The following MUC7 variants were observed in gnomAD, a reference collection of about 807,000 sequenced individuals.
MUC7 encodes mucin 7, secreted.
In MUC7, 2 loss-of-function variants were observed where a neutral mutation model predicts 2.5. The ratio of observed to expected loss-of-function variants is 0.81; its 90% CI spans 0.33 to 2.55. The LOEUF is 2.55. Ranked by LOEUF, MUC7 falls within the 30% of genes most tolerant of loss-of-function variation. The probability of loss-of-function intolerance (pLI) is 0.11; values close to 1 mark genes in which losing one functional copy is unlikely to be tolerated. For missense variants in MUC7, 408 were observed against 455.6 expected (o/e 0.90, Z 0.95); for synonymous variants, 133 against 173.4 (o/e 0.77, Z 1.83).
chr4:70,460,323 A>C (rs1045310947), intron 1 of MUC7, among the ~76,000 whole-genome samples: 1 of 152,226 alleles, frequency 6.6e-6, no homozygotes, highest in East Asian at 1.9e-4. Flanking sequence ...TAATATCATC[A>C]AGGATGGTTC....
intron 1 of MUC7, among the ~76,000 whole-genome samples, chr4:70,434,471 T>C (rs900202623): frequency 1.3e-5 from 2 of 152,250 alleles, no homozygotes; most frequent in Non-Finnish European, 2.9e-5. Flanking sequence ...TCCAGGAATT[T>C]ATCCATTTCT....
chr4:70,468,754 A>G (rs1030643078), upstream of MUC7, among the ~76,000 whole-genome samples: 1 of 152,226 alleles, frequency 6.6e-6, no homozygotes, highest in Admixed American at 6.5e-5. Flanking sequence ...ATGAAATAAG[A>G]CAGGACACAA....
At chr4:70,445,524 C>T (rs1052879608) in intron 1 of MUC7, among the ~76,000 whole-genome samples, 1 of 152,108 alleles carries the variant, frequency 6.6e-6, no homozygotes, top group Admixed American at 6.5e-5. Context: ...AAATCTCTCC[C>T]CTATTTAATA....
At chr4:70,463,082 C>G (rs1734597662) in intron 1 of MUC7, among the ~76,000 whole-genome samples, 1 of 152,182 alleles carries the variant, frequency 6.6e-6, no homozygotes, top group Non-Finnish European at 1.5e-5. Flanking sequence ...TTCTTCTACT[C>G]TTAACTCCAG....
chr4:70,446,928 T>C lies in MUC7; in HGVS notation c.-93+16241T>C, dbSNP rs371654272. Among the ~76,000 whole-genome samples the C allele has an allele frequency of 5.1e-4, 77 of 152,306 alleles. 2 individuals are homozygous for C. In the South Asian group the frequency reaches 0.016, roughly 31 times the overall value. ...AAAAAGAACTGATTATCTCTTATAT[T>C]AATATTATTGCATAGATCTTCATCT... On this transcript the variant is annotated intron_variant, in intron 1 of 3. Coordinates refer to the MUC7 transcript ENST00000413702.
At chr4:70,442,086 G>A (rs1007527832) in intron 1 of MUC7, among the ~76,000 whole-genome samples, 3 of 152,240 alleles carry the variant, frequency 2.0e-5, no homozygotes, top group African/African-American at 4.8e-5. Context: ...TCAAGAAGTT[G>A]AGGGAGCTCA....
chr4:70,481,021 C>A lies in MUC7; in HGVS notation c.277C>A (p.His93Asn). ...CCCAAATCCTCACCAGCCACCTAAA[C>A]ATCCAGATAAAAATAGCAGTGTGGT... ...KFPNPHQPPK[H>N]PDKNSSVVNP... Residue 93 changes from histidine to asparagine, a missense_variant, in exon 3 of 3, where the codon CAT becomes AAT. By Grantham distance (68) the His-to-Asn change is moderately conservative. Transcript: ENST00000304887. The A allele has an allele frequency of 6.2e-7, 1 of 1,614,122 alleles. No homozygotes were observed. The highest frequency in any genetic ancestry group is 8.5e-7 in the Non-Finnish European group (1 of 1,180,012).
chr4:70,463,802 A>G (rs1424927861), intron 1 of MUC7, among the ~76,000 whole-genome samples: 4 of 152,216 alleles, frequency 2.6e-5, no homozygotes, highest in Non-Finnish European at 5.9e-5. Context: ...AGAAGGTACC[A>G]TTCTATGAAT....
At chr4:70,478,942 T>C (rs1300830297) in intron 2 of MUC7, among the ~76,000 whole-genome samples, 3 of 152,238 alleles carry the variant, frequency 2.0e-5, no homozygotes, top group African/African-American at 7.2e-5. Context: ...GAAGCCATTA[T>C]GTTAGCTATT....
At chr4:70,436,996 C>T (rs972639533) in intron 1 of MUC7, among the ~76,000 whole-genome samples, 1 of 152,156 alleles carries the variant, frequency 6.6e-6, no homozygotes, top group African/African-American at 2.4e-5. Flanking sequence ...GAGGTCTACT[C>T]CAGACCCTGT....
chr4:70,460,956 G>A (rs769203814), intron 1 of MUC7, among the ~76,000 whole-genome samples: 10 of 152,194 alleles, frequency 6.6e-5, no homozygotes, highest in Non-Finnish European at 1.2e-4. Flanking sequence ...AGATCACTGC[G>A]TATGCTAGTT....
At chr4:70,436,027 G>T (rs1371212048) in intron 1 of MUC7, among the ~76,000 whole-genome samples, 2 of 152,048 alleles carry the variant, frequency 1.3e-5, no homozygotes, top group African/African-American at 2.4e-5. Context: ...TTGAATATTG[G>T]CCCCCACTCT....
upstream of MUC7, among the ~76,000 whole-genome samples, chr4:70,470,326 C>T (rs1363590342): frequency 6.6e-6 from 1 of 152,092 alleles, no homozygotes; most frequent in Non-Finnish European, 1.5e-5. Context: ...TTGATGGGTG[C>T]AGCAAACCAC....
chr4:70,462,453 A>T (rs545599096), intron 1 of MUC7, among the ~76,000 whole-genome samples: 6 of 152,300 alleles, frequency 3.9e-5, no homozygotes, highest in African/African-American at 1.4e-4. Context: ...TTGACAAATC[A>T]CTATATTTTC....
intron 1 of MUC7, among the ~76,000 whole-genome samples, chr4:70,433,082 G>A (rs1006908721): frequency 6.6e-6 from 1 of 152,140 alleles, no homozygotes; most frequent in African/African-American, 2.4e-5. Context: ...CTGTTCCATT[G>A]GTCTATATAT....
chr4:70,433,619 T>C (rs1013917659), intron 1 of MUC7, among the ~76,000 whole-genome samples: 2 of 152,196 alleles, frequency 1.3e-5, no homozygotes, highest in Non-Finnish European at 2.9e-5. Flanking sequence ...CTTAAGGAGA[T>C]TTTGGGCTGA....
upstream of MUC7, chr4:70,471,907 T>C (rs1162300353): frequency 6.6e-6 from 1 of 152,040 alleles, no homozygotes; most frequent in African/African-American, 2.4e-5. Context: ...TCTGTTCCTG[T>C]TGGGAGGACC....
chr4:70,459,568 C>T (rs1022729493), intron 1 of MUC7, among the ~76,000 whole-genome samples: 6 of 152,008 alleles, frequency 3.9e-5, no homozygotes, highest in Non-Finnish European at 7.4e-5. Flanking sequence ...TACCCTAAAA[C>T]TTAAAGTATA....
At chr4:70,462,415 T>C (rs1234789377) in intron 1 of MUC7, among the ~76,000 whole-genome samples, 2 of 152,242 alleles carry the variant, frequency 1.3e-5, no homozygotes, top group Non-Finnish European at 2.9e-5. Context: ...GATTCTGTTA[T>C]GTTAAACAAA....
Sources: allele counts gnomAD v4.1 joint callset (sites outside exome capture counted in the v4.1 genomes callset), GRCh38; gene constraint gnomAD v4.1.1; transcripts MANE v1.5; gene names NCBI Gene and HGNC (gene_info 2026-07-23, HGNC 2026-07-21).